WDR33: variants seen among roughly 807,000 people sequenced by gnomAD.
WDR33 encodes WD repeat domain 33.
WDR33 carries 47 observed loss-of-function variants against 164.9 expected under a neutral mutation model. That is an observed-to-expected ratio of 0.29 (90% CI 0.23 to 0.36). WDR33 has a LOEUF of 0.36. Ranked by LOEUF, WDR33 falls within the 10% of genes least tolerant of loss-of-function variation. The pLI, the probability that WDR33 is intolerant of heterozygous loss-of-function variation, is 1.00. For missense variants in WDR33, 1,137 were observed against 1,754.1 expected, an observed-to-expected ratio of 0.65 and a Z score of 6.28; for synonymous variants, 505 against 589.0, an observed-to-expected ratio of 0.86 and a Z score of 2.06.
chr2:127,717,377 G>T lies in WDR33; in HGVS notation c.2761-114C>A. 3 of 828,584 alleles carry T rather than the reference G, an allele frequency of 3.6e-6. No individual in the cohort carries two copies. Among genetic ancestry groups the T allele is most frequent in the Non-Finnish European group, 5.3e-6 (3 of 566,996 alleles). 51.3% of individuals were successfully genotyped at this position (828,584 alleles called of 1,614,324 possible). On this transcript the variant is annotated intron_variant, in intron 16 of 21. Transcript: ENST00000322313. The surrounding 1 kb of genome is among the most constrained non-coding windows in gnomAD (Gnocchi z 5.6). ...TACCCAGTAAATATTTACCTAGTAAGATTACAGTAACATTGTCCTTAAATC... is the reference window on the plus strand; with the variant it reads ...TACCCAGTAAATATTTACCTAGTAATATTACAGTAACATTGTCCTTAAATC...
chr2:127,707,905 G>A lies in WDR33; in HGVS notation c.3781+772C>T, dbSNP rs116151707. Among the ~76,000 whole-genome samples, 862 of 152,254 alleles carry A rather than the reference G, an allele frequency of 5.7e-3. 14 individuals carry two copies. The highest frequency in any genetic ancestry group is 0.019 in the African/African-American group (806 of 41,532). On this transcript the variant is annotated intron_variant, in intron 21 of 21. Coordinates refer to ENST00000322313, the MANE Select transcript of WDR33 (RefSeq NM_018383.5). ...GGGAGGCGGGGGTTGCTTGCAGTAAGCCAAGATCACACCACTGCACTCCAG... is the reference window on the plus strand; with the variant it reads ...GGGAGGCGGGGGTTGCTTGCAGTAAACCAAGATCACACCACTGCACTCCAG...
At chr2:127,806,132 A>T (rs1295166738) in intron 1 of WDR33, among the ~76,000 whole-genome samples, 1 of 151,722 alleles carries the variant, frequency 6.6e-6, no homozygotes, top group African/African-American at 2.4e-5. Flanking sequence ...AAATTTTAAA[A>T]TTTTAAATAA....
At chr2:127,798,832 A>T (rs1029936767) in intron 1 of WDR33, 1 of 152,122 alleles carries the variant, frequency 6.6e-6, no homozygotes, top group African/African-American at 2.4e-5. Flanking sequence ...CCCTCTACTA[A>T]GTAAAATTTA....
At chr2:127,799,727 CAAAACA>C (rs1192022561) in intron 1 of WDR33, among the ~76,000 whole-genome samples, 1 of 152,098 alleles carries the variant, frequency 6.6e-6, no homozygotes, top group Non-Finnish European at 1.5e-5. Flanking sequence ...TAGAAAAATG[CAAAACA>C]AAACCACGAT....
chr2:127,733,359 TA>T (rs1195790426), intron 7 of WDR33, among the ~76,000 whole-genome samples: 1 of 152,166 alleles, frequency 6.6e-6, no homozygotes, highest in African/African-American at 2.4e-5. Context: ...TGGCAGAGCT[TA>T]AAGAAGCCAG....
chr2:127,778,502 T>C (rs1332608926), intron 1 of WDR33, among the ~76,000 whole-genome samples: 1 of 150,702 alleles, frequency 6.6e-6, no homozygotes, highest in Non-Finnish European at 1.5e-5. Flanking sequence ...CCTGACTACC[T>C]GCCAGACAAT....
At position 127,711,770 on chromosome 2, in the gene WDR33, A is replaced by ATTTTTTTTTTT. The variant is rs1220888579; in HGVS notation, c.3308+1812_3308+1813insAAAAAAAAAAA. On this transcript the variant is annotated intron_variant, in intron 18 of 21. Transcript: ENST00000322313. ...TATACAGATATATATATATATATATATATATATATATTTTTTTTTTGAGAC... is the reference window on the plus strand; with the variant it reads ...TATACAGATATATATATATATATATATTTTTTTTTTTTATATATATATTTTTTTTTTGAGAC... 1.2e-3 allele frequency among the ~76,000 whole-genome samples: 96 copies of ATTTTTTTTTTT among 77,856 alleles called. 6 individuals carry two copies. The highest frequency in any genetic ancestry group is 4.5e-3 in the African/African-American group (54 of 12,062). The allele number at this position is 77,856 out of a possible 152,430, so 51.1% of individuals were successfully genotyped here.
chr2:127,767,741 T>A (rs1034271519), intron 4 of WDR33, among the ~76,000 whole-genome samples: 1 of 151,952 alleles, frequency 6.6e-6, no homozygotes, highest in Non-Finnish European at 1.5e-5. Context: ...AAAATAAAAT[T>A]TCAGTTTAAA....
chr2:127,793,169 G>T (rs1317341454), intron 1 of WDR33, among the ~76,000 whole-genome samples: 1 of 152,156 alleles, frequency 6.6e-6, no homozygotes, highest in African/African-American at 2.4e-5. Flanking sequence ...GGTGGCTCAT[G>T]CCTGTAATCC....
At chr2:127,768,578 A>G (rs145096666) in intron 3 of WDR33, among the ~76,000 whole-genome samples, 12 of 152,338 alleles carry the variant, frequency 7.9e-5, no homozygotes, top group Non-Finnish European at 1.6e-4. Flanking sequence ...TAGTACTTAA[A>G]GTCAACATAT....
At position 127,763,322 on chromosome 2, in the gene WDR33, C is replaced by A. The variant is rs1007813520; in HGVS notation, c.627-163G>T. ...AGTGAATGTCGTCAGCTAACATAGG[C>A]ATCTCATCAAAAGAAGACTTCAACA... On this transcript the variant is annotated intron_variant, in intron 6 of 21. Transcript: ENST00000322313. The surrounding 1 kb of genome is among the most constrained non-coding windows in gnomAD (Gnocchi z 4.5). The A allele has an allele frequency of 1.4e-6, 2 of 1,437,144 alleles. No homozygotes were observed. Among genetic ancestry groups the A allele is most frequent in the South Asian group, 3.0e-5 (2 of 67,304 alleles). The allele number at this position is 1,437,144 out of a possible 1,614,324, so 89.0% of individuals were successfully genotyped here.
At chr2:127,768,795 T>C (rs1047707048) in intron 3 of WDR33, 138 bp downstream of exon 3, 16 of 542,754 alleles carry the variant, frequency 2.9e-5, no homozygotes, top group Non-Finnish European at 4.5e-5. Flanking sequence ...AGATGTGTTA[T>C]ATTATCCCTT....
intron 1 of WDR33, among the ~76,000 whole-genome samples, chr2:127,810,501 T>A (rs998304366): frequency 6.6e-6 from 1 of 152,180 alleles, no homozygotes; most frequent in African/African-American, 2.4e-5. Context: ...CAAATAGAAA[T>A]ACAACTATTC....
In WDR33 at chr2:127,720,666, G is replaced by C. The variant is rs993876068; in HGVS notation, c.1672-313C>G. ...TACAGCCTCACCCTCCTGGGCTCAA[G>C]TGATCCTCCCACCTCGGCCTCCGGA... On this transcript the variant is annotated intron_variant, in intron 15 of 21. Coordinates refer to ENST00000322313, the MANE Select transcript of WDR33 (RefSeq NM_018383.5). The surrounding 1 kb of genome is among the most constrained non-coding windows in gnomAD (Gnocchi z 5.9). Among the ~76,000 whole-genome samples, 3 of 152,022 alleles carry C rather than the reference G, an allele frequency of 2.0e-5. No homozygotes were observed. Among genetic ancestry groups the C allele is most frequent in the Non-Finnish European group, 4.4e-5 (3 of 68,024 alleles).
intron 21 of WDR33, among the ~76,000 whole-genome samples, chr2:127,707,238 A>AG (rs888374923): frequency 2.0e-5 from 3 of 151,442 alleles, no homozygotes; most frequent in African/African-American, 7.3e-5. Context: ...TTAAAAAAAA[A>AG]AAAAAAAGAA....
intron 18 of WDR33, among the ~76,000 whole-genome samples, chr2:127,711,780 A>ATATATTTTTTTTTTTTT: frequency 7.9e-5 from 7 of 88,304 alleles, no homozygotes; most frequent in African/African-American, 3.9e-4. Context: ...ATATATATAT[A>ATATATTTTTTTTTTTTT]TTTTTTTTTT....
Position 127,701,721 on chromosome 2 carries a change from C to T in WDR33, c.*4602G>A, listed in dbSNP as rs1023723853. 5.5e-5 allele frequency: 75 copies of T among 1,371,412 alleles called. No individual in the cohort carries two copies. In the African/African-American group the frequency reaches 7.9e-4, roughly 14 times the overall value. The allele number at this position is 1,371,412 out of a possible 1,614,324, so 85.0% of individuals were successfully genotyped here. On this transcript the variant is annotated 3_prime_UTR_variant, in exon 22 of 22. Coordinates refer to ENST00000322313, the MANE Select transcript of WDR33 (RefSeq NM_018383.5). ...CCCTGCGGAGTCGGCAGCGGCCGGC[C>T]TGACGTGCCTCCCGAGCGTGACGCG...
intron 1 of WDR33, among the ~76,000 whole-genome samples, chr2:127,776,322 TCTA>T (rs1688181798): frequency 6.6e-6 from 1 of 152,164 alleles, no homozygotes; most frequent in African/African-American, 2.4e-5. Context: ...AAGATACATT[TCTA>T]CTGTTTAATC....
intron 1 of WDR33, among the ~76,000 whole-genome samples, chr2:127,786,525 A>C (rs1265088448): frequency 6.6e-6 from 1 of 152,174 alleles, no homozygotes; most frequent in Non-Finnish European, 1.5e-5. Flanking sequence ...TCTACTAAAA[A>C]TACAAACATT....
Sources: allele counts gnomAD v4.1 joint callset (sites outside exome capture counted in the v4.1 genomes callset), GRCh38; gene constraint gnomAD v4.1.1; non-coding constraint Gnocchi (gnomAD v3.1); transcripts MANE v1.5; gene names NCBI Gene and HGNC (gene_info 2026-07-23, HGNC 2026-07-21).